Variants in ROCK2 observed in about 807,000 individuals in gnomAD.
ROCK2 encodes rho-associated protein kinase 2.
Under a neutral mutation model 195.1 loss-of-function variants are expected in ROCK2, and 61 were observed. The ratio of observed to expected loss-of-function variants is 0.31; its 90% CI spans 0.25 to 0.39. The LOEUF is 0.39. ROCK2 is among the 10% of genes least tolerant of loss of function. ROCK2 has a pLI of 1.00. For synonymous variants in ROCK2, 504 were observed against 545.5 expected (o/e 0.92, Z 1.06); for missense variants, 1,109 against 1,637.4 (o/e 0.68, Z 5.57).
intron 1 of ROCK2, among the ~76,000 whole-genome samples, chr2:11,290,440 T>C (rs1667326187): frequency 1.3e-5 from 2 of 152,012 alleles, no homozygotes; most frequent in Non-Finnish European, 2.9e-5. Context: ...CTCATTTTTT[T>C]TAAAAATGAT....
Position 11,200,964 on chromosome 2 carries a change from A to G in ROCK2, c.2903T>C (p.Ile968Thr). Residue 968 changes from isoleucine (I) to threonine (T), a missense_variant, in exon 23 of 33, where the codon ATT becomes ACT. This residue lies in a region of ROCK2 where 542 missense variants were observed against 672.0 expected (regional missense o/e 0.81). Transcript: ENST00000315872. ...ACCAAGAATTTGACTTACAGAAGCA[A>G]TTGTAGCATCTTTTTCCGTAAGTTC... ...KQELTEKDAT[I>T]ASLEETNRTL... The G allele has an allele frequency of 6.3e-7, 1 of 1,597,100 alleles. No homozygotes were observed. Among genetic ancestry groups the G allele is most frequent in the Non-Finnish European group, 8.5e-7 (1 of 1,174,016 alleles).
chr2:11,288,169 C>T (rs973070733), intron 1 of ROCK2, among the ~76,000 whole-genome samples: 3 of 152,176 alleles, frequency 2.0e-5, no homozygotes, highest in Admixed American at 6.5e-5. Context: ...ACCATCCTTA[C>T]CCTCTGGGAG....
chr2:11,318,183 G>GCCACA (rs1189546527), intron 1 of ROCK2, among the ~76,000 whole-genome samples: 4 of 152,228 alleles, frequency 2.6e-5, no homozygotes, highest in East Asian at 3.9e-4. Flanking sequence ...CTGAGGAATT[G>GCCACA]CCACACTGTC....
chr2:11,310,415 A>T (rs1667995530), intron 1 of ROCK2, among the ~76,000 whole-genome samples: 1 of 152,234 alleles, frequency 6.6e-6, no homozygotes, highest in Non-Finnish European at 1.5e-5. Flanking sequence ...CACATGGCTT[A>T]GAATTGATGA....
At chr2:11,317,789 C>T (rs1208927955) in intron 1 of ROCK2, among the ~76,000 whole-genome samples, 8 of 150,274 alleles carry the variant, frequency 5.3e-5, no homozygotes, top group South Asian at 2.1e-4. Flanking sequence ...CAACAGGCCC[C>T]GGTGTGTGAT....
chr2:11,299,518 C>T (rs529807400), intron 1 of ROCK2, among the ~76,000 whole-genome samples: 60 of 152,028 alleles, frequency 3.9e-4, no homozygotes, highest in African/African-American at 1.4e-3. Context: ...AAGTCACTCG[C>T]TCATTCAATT....
chr2:11,286,435 C>T (rs1167428466), intron 3 of ROCK2, 104 bp downstream of exon 3: 6 of 718,486 alleles, frequency 8.4e-6, no homozygotes, highest in African/African-American at 1.8e-5. Context: ...AAGCCACCTT[C>T]TGGCATGGGT....
chr2:11,308,833 T>C lies in ROCK2; in HGVS notation c.142-21097A>G, dbSNP rs977694100. Reference sequence around the variant, plus strand: ...TGGATGAAATTAAACTTGGGCCAAATGTAATAGAACTATACAAGAAACCCA... The same window carrying C: ...TGGATGAAATTAAACTTGGGCCAAACGTAATAGAACTATACAAGAAACCCA... On this transcript the variant is annotated intron_variant, in intron 1 of 32. Transcript: ENST00000315872. 8.7e-6 allele frequency: 14 copies of C among 1,611,286 alleles called. No individual in the cohort carries two copies. The Admixed American group carries it at 1.0e-4, about 12-fold the overall frequency.
At chr2:11,194,549 T>C (rs1346329531) in intron 28 of ROCK2, among the ~76,000 whole-genome samples, 1 of 151,968 alleles carries the variant, frequency 6.6e-6, no homozygotes, top group Non-Finnish European at 1.5e-5. Context: ...ATAAGCAAAC[T>C]GTGGGGAGAA....
In ROCK2 at chr2:11,288,600, C is replaced by T. The variant is rs12329273; in HGVS notation, c.142-864G>A. ...CCTAAATCTTAGGAGGTCCAATAGA[C>T]TTAACTCATCCCTCTAGTCTCAATG... On this transcript the variant is annotated intron_variant, in intron 1 of 32. Coordinates refer to ENST00000315872, the MANE Select transcript of ROCK2 (RefSeq NM_004850.5). 8.6e-3 allele frequency among the ~76,000 whole-genome samples: 1,306 copies of T among 152,266 alleles called. 19 individuals are homozygous for T. The highest frequency in any genetic ancestry group is 0.03 in the African/African-American group (1,244 of 41,540).
chr2:11,241,988 G>A (rs1438907706), intron 4 of ROCK2, among the ~76,000 whole-genome samples: 1 of 152,182 alleles, frequency 6.6e-6, no homozygotes, highest in Non-Finnish European at 1.5e-5. Flanking sequence ...GCCCAAGGGA[G>A]CTTATTCACC....
At chr2:11,261,178 C>T (rs1666213852) in intron 3 of ROCK2, among the ~76,000 whole-genome samples, 1 of 152,204 alleles carries the variant, frequency 6.6e-6, no homozygotes, top group African/African-American at 2.4e-5. Context: ...AAATCAAGAG[C>T]TGGGAACCAT....
At chr2:11,225,635 G>T (rs1251606398) in intron 6 of ROCK2, among the ~76,000 whole-genome samples, 2 of 152,006 alleles carry the variant, frequency 1.3e-5, no homozygotes, top group African/African-American at 4.8e-5. Context: ...CCTGGCAGTC[G>T]TGAGAATTTA....
At chr2:11,215,472 T>G in intron 14 of ROCK2, 38 bp downstream of exon 14, 1 of 1,607,686 alleles carries the variant, frequency 6.2e-7, no homozygotes, top group Admixed American at 1.7e-5. Flanking sequence ...ACACTTAATT[T>G]TTTTCTTGAT....
chr2:11,250,637 G>A (rs1339816444), intron 3 of ROCK2, among the ~76,000 whole-genome samples: 4 of 152,066 alleles, frequency 2.6e-5, no homozygotes, highest in East Asian at 3.9e-4. Flanking sequence ...TGGTAAAATG[G>A]TAGCTTCATC....
chr2:11,278,523 T>C (rs1172014613), intron 3 of ROCK2, among the ~76,000 whole-genome samples: 2 of 152,234 alleles, frequency 1.3e-5, no homozygotes, highest in African/African-American at 4.8e-5. Context: ...GCAATGAACA[T>C]GAGAATGCAG....
intron 1 of ROCK2, among the ~76,000 whole-genome samples, chr2:11,296,642 T>A (rs2122383): frequency 0.39 from 59,997 of 151,932 alleles, 13,419 homozygotes; most frequent in Admixed American, 0.52. Flanking sequence ...ATATGGAGAG[T>A]TGGAAGGTTT....
chr2:11,340,136 G>A (rs1669057681), intron 1 of ROCK2, among the ~76,000 whole-genome samples: 1 of 152,084 alleles, frequency 6.6e-6, no homozygotes, highest in Admixed American at 6.5e-5. Context: ...GGACCAAAAT[G>A]TTTCCGAACT....
rs116450097 is a variant in ROCK2 at position 11,247,135 on chromosome 2, T to A, written c.462+2526A>T. Among the ~76,000 whole-genome samples, 991 of 152,074 alleles carry A rather than the reference T, an allele frequency of 6.5e-3. 18 individuals are homozygous for A. Among genetic ancestry groups the A allele is most frequent in the African/African-American group, 0.023 (953 of 41,450 alleles). On this transcript the variant is annotated intron_variant, in intron 4 of 32. Coordinates refer to ENST00000315872, the MANE Select transcript of ROCK2 (RefSeq NM_004850.5). ...ACATACATGTTGTGTGATTGATTTATAGGAAGCTTTCAGAATAGGCAAATC... is the reference window on the plus strand; with the variant it reads ...ACATACATGTTGTGTGATTGATTTAAAGGAAGCTTTCAGAATAGGCAAATC...
Sources: gnomAD v4.1 joint callset for allele counts (sites outside exome capture counted in the v4.1 genomes callset) on GRCh38, gnomAD v4.1.1 for gene constraint, gnomAD v4.1.1 regional missense constraint, MANE v1.5 for transcripts, NCBI Gene and HGNC (gene_info 2026-07-23, HGNC 2026-07-21) for gene names.